The following ZBTB20 variants were observed in gnomAD, a reference collection of about 807,000 sequenced individuals.
The protein encoded by ZBTB20 is zinc finger and BTB domain containing 20, also known as zinc finger and BTB domain-containing protein 20.
ZBTB20 carries 9 observed loss-of-function variants against 56.9 expected under a neutral mutation model. The ratio of observed to expected loss-of-function variants is 0.16; its 90% CI spans 0.10 to 0.28. The LOEUF (loss-of-function observed/expected upper bound fraction) is 0.28, where lower values mean the gene tolerates loss of function less well. ZBTB20 is among the 10% of genes least tolerant of loss of function. The probability of loss-of-function intolerance (pLI) is 1.00; values close to 1 mark genes in which losing one functional copy is unlikely to be tolerated. For synonymous variants in ZBTB20, 417 were observed against 420.7 expected, an observed-to-expected ratio of 0.99 and a Z score of 0.11; for missense variants, 655 against 1,003.0, an observed-to-expected ratio of 0.65 and a Z score of 4.69.
At chr3:114,976,295 A>G (rs763420164) in intron 2 of ZBTB20, among the ~76,000 whole-genome samples, 1 of 152,198 alleles carries the variant, frequency 6.6e-6, no homozygotes, top group Non-Finnish European at 1.5e-5. Flanking sequence ...ATAATAAGAA[A>G]CCTGAATCAA....
intron 5 of ZBTB20, among the ~76,000 whole-genome samples, chr3:114,775,185 G>A (rs2069499880): frequency 6.6e-6 from 1 of 151,800 alleles, no homozygotes; most frequent in Admixed American, 6.6e-5. Context: ...CACTGGCTAG[G>A]CTTCGGGACA....
chr3:115,017,005 T>A (rs1025262979), intron 2 of ZBTB20, among the ~76,000 whole-genome samples: 2 of 151,510 alleles, frequency 1.3e-5, no homozygotes, highest in African/African-American at 4.8e-5. Flanking sequence ...CCACTCCTAC[T>A]CAACATAGTA....
At chr3:114,972,382 G>A (rs1456205203) in intron 3 of ZBTB20, among the ~76,000 whole-genome samples, 1 of 152,096 alleles carries the variant, frequency 6.6e-6, no homozygotes, top group East Asian at 1.9e-4. Flanking sequence ...CTACAATCCT[G>A]CATGTACCAT....
intron 6 of ZBTB20, among the ~76,000 whole-genome samples, chr3:114,672,916 C>T (rs1304062017): frequency 6.6e-6 from 1 of 152,084 alleles, no homozygotes; most frequent in African/African-American, 2.4e-5. Context: ...ATTCAGATGT[C>T]AATGGCCCTT....
chr3:114,413,621 A>G (rs995750731), intron 7 of ZBTB20, among the ~76,000 whole-genome samples: 1 of 152,130 alleles, frequency 6.6e-6, no homozygotes, highest in African/African-American at 2.4e-5. Context: ...ACATGCTTGT[A>G]AGAAAGTAGG....
At chr3:114,346,119 C>T (rs2462781) in intron 11 of ZBTB20, among the ~76,000 whole-genome samples, 1 of 152,202 alleles carries the variant, frequency 6.6e-6, no homozygotes, top group South Asian at 2.1e-4. Context: ...GTTAGGTGAG[C>T]AATTTTCTTT....
At chr3:114,431,389 C>T (rs1331661185) in intron 7 of ZBTB20, among the ~76,000 whole-genome samples, 2 of 152,104 alleles carry the variant, frequency 1.3e-5, no homozygotes, top group Admixed American at 1.3e-4. Flanking sequence ...CTAGCCCCTT[C>T]TACATTACGT....
intron 4 of ZBTB20, among the ~76,000 whole-genome samples, chr3:114,869,917 T>C (rs997634650): frequency 1.3e-5 from 2 of 152,224 alleles, no homozygotes; most frequent in African/African-American, 4.8e-5. Flanking sequence ...ATTGGACATG[T>C]GATAATACAT....
At chr3:114,774,699 A>T (rs1042899119) in intron 5 of ZBTB20, among the ~76,000 whole-genome samples, 12 of 152,194 alleles carry the variant, frequency 7.9e-5, no homozygotes, top group African/African-American at 2.7e-4. Context: ...AACCAGGAAC[A>T]TTTAAAAATA....
chr3:114,607,595 G>A (rs1343267892), intron 6 of ZBTB20, among the ~76,000 whole-genome samples: 4 of 152,168 alleles, frequency 2.6e-5, no homozygotes, highest in East Asian at 1.9e-4. Flanking sequence ...GAGCCATCAC[G>A]CCCAGCCTCA....
intron 2 of ZBTB20, among the ~76,000 whole-genome samples, chr3:115,036,579 T>C (rs1032320410): frequency 2.0e-5 from 3 of 152,172 alleles, no homozygotes; most frequent in Admixed American, 2.0e-4. Flanking sequence ...CACGCCCAGC[T>C]AACTTTTGTA....
At chr3:114,733,264 A>G (rs542959039) in intron 5 of ZBTB20, among the ~76,000 whole-genome samples, 1 of 152,278 alleles carries the variant, frequency 6.6e-6, no homozygotes, top group Admixed American at 6.5e-5. Context: ...AGGAGTCTCA[A>G]TAAGGCTTGA....
chr3:114,423,804 C>T (rs986637123), intron 7 of ZBTB20, among the ~76,000 whole-genome samples: 1 of 152,140 alleles, frequency 6.6e-6, no homozygotes, highest in African/African-American at 2.4e-5. Flanking sequence ...GACAGGTGAA[C>T]CAGAAGAGTT....
chr3:114,382,766 G>T (rs2108549106), intron 8 of ZBTB20, among the ~76,000 whole-genome samples: 1 of 152,042 alleles, frequency 6.6e-6, no homozygotes, highest in East Asian at 1.9e-4. Context: ...GCTCTCTGAA[G>T]GTAAGGAAAT....
chr3:114,345,668 C>T (rs562243231), intron 11 of ZBTB20, among the ~76,000 whole-genome samples: 1 of 152,178 alleles, frequency 6.6e-6, no homozygotes, highest in Non-Finnish European at 1.5e-5. Flanking sequence ...GATTTCTAGG[C>T]TCCATTGCCT....
intron 6 of ZBTB20, among the ~76,000 whole-genome samples, chr3:114,655,614 C>T (rs1304606692): frequency 1.3e-5 from 2 of 152,124 alleles, no homozygotes; most frequent in Non-Finnish European, 2.9e-5. Flanking sequence ...GCACAACTGG[C>T]TTTTTAGCTG....
chr3:115,052,745 T>C (rs1413821631), intron 2 of ZBTB20, among the ~76,000 whole-genome samples: 1 of 152,136 alleles, frequency 6.6e-6, no homozygotes, highest in Admixed American at 6.5e-5. Context: ...TTGAGGTATA[T>C]CTAATTTTCA....
At chr3:114,493,402 T>G (rs1234331314) in intron 7 of ZBTB20, among the ~76,000 whole-genome samples, 1 of 152,118 alleles carries the variant, frequency 6.6e-6, no homozygotes. Flanking sequence ...TGCCCCAAAG[T>G]TTACCCTTTT....
chr3:114,418,092 T>C (rs1163892054), intron 7 of ZBTB20, among the ~76,000 whole-genome samples: 1 of 152,050 alleles, frequency 6.6e-6, no homozygotes, highest in East Asian at 1.9e-4. Flanking sequence ...TCTAGGCTAA[T>C]CTGGCCATCA....
Sources: allele counts gnomAD v4.1 joint callset (sites outside exome capture counted in the v4.1 genomes callset), GRCh38; gene constraint gnomAD v4.1.1; transcripts MANE v1.5; gene names NCBI Gene and HGNC (gene_info 2026-07-23, HGNC 2026-07-21).